Variants in HPSE2 observed in about 807,000 individuals in gnomAD.
HPSE2 encodes the protein heparanase 2 (inactive), also known as inactive heparanase-2.
HPSE2 carries 38 observed loss-of-function variants against 60.5 expected under a neutral mutation model. The observed-to-expected ratio is 0.63, with a 90% CI of 0.48 to 0.82. HPSE2 has a LOEUF of 0.82. HPSE2 is among the 40% of genes least tolerant of loss of function. The pLI is 0.00. For synonymous variants in HPSE2, 295 were observed against 293.2 expected (o/e 1.01, Z -0.06); for missense variants, 713 against 740.4 (o/e 0.96, Z 0.43).
At chr10:98,883,430 A>G (rs1323260645) in intron 3 of HPSE2, among the ~76,000 whole-genome samples, 1 of 152,168 alleles carries the variant, frequency 6.6e-6, no homozygotes, top group African/African-American at 2.4e-5. Context: ...CTGTAAGTTA[A>G]TAACAGCTTT....
the HPSE2 span, among the ~76,000 whole-genome samples, chr10:99,277,541 T>C: frequency 2.6e-5 from 4 of 152,212 alleles, no homozygotes; most frequent in African/African-American, 9.6e-5. Flanking sequence ...TTTCACCAAG[T>C]GAGAGCTCCA....
chr10:98,616,356 C>T (rs897844008), intron 8 of HPSE2, among the ~76,000 whole-genome samples: 2 of 152,230 alleles, frequency 1.3e-5, no homozygotes, highest in East Asian at 1.9e-4. Context: ...CCTGGCACAC[C>T]GTAGGTACTC....
intron 2 of HPSE2, among the ~76,000 whole-genome samples, chr10:99,161,718 C>T (rs558811533): frequency 1.3e-5 from 2 of 152,056 alleles, no homozygotes; most frequent in Admixed American, 1.3e-4. Context: ...CAAAAAGTCA[C>T]AAAAATAATA....
intron 2 of HPSE2, among the ~76,000 whole-genome samples, chr10:99,211,959 A>G (rs1848965807): frequency 6.6e-6 from 1 of 152,204 alleles, no homozygotes; most frequent in African/African-American, 2.4e-5. Flanking sequence ...TCTGATAAGC[A>G]GTTAATATTC....
At chr10:98,911,662 C>G (rs1953982700) in intron 3 of HPSE2, among the ~76,000 whole-genome samples, 3 of 152,056 alleles carry the variant, frequency 2.0e-5, no homozygotes, top group African/African-American at 7.2e-5. Context: ...CCGGTTGAAA[C>G]AAGCCAAGAA....
At chr10:98,511,598 TTG>T (rs146553697) in intron 9 of HPSE2, among the ~76,000 whole-genome samples, 2 of 78,958 alleles carry the variant, frequency 2.5e-5, no homozygotes, top group African/African-American at 9.3e-5. Flanking sequence ...GTGTGTGTGT[TTG>T]TGTGTGTGTG....
chr10:98,917,670 T>C (rs1388414549), intron 3 of HPSE2, among the ~76,000 whole-genome samples: 1 of 152,186 alleles, frequency 6.6e-6, no homozygotes, highest in African/African-American at 2.4e-5. Context: ...CCTACCCTTA[T>C]TATTATTATT....
intron 3 of HPSE2, among the ~76,000 whole-genome samples, chr10:98,756,753 G>A (rs1446657336): frequency 1.3e-5 from 2 of 152,096 alleles, no homozygotes; most frequent in Non-Finnish European, 2.9e-5. Flanking sequence ...AACATATAAA[G>A]AAGAGTTGGT....
intron 9 of HPSE2, among the ~76,000 whole-genome samples, chr10:98,539,305 T>C (rs1049646243): frequency 1.3e-5 from 2 of 152,164 alleles, no homozygotes; most frequent in African/African-American, 4.8e-5. Flanking sequence ...GTGGATCACC[T>C]GAGGTTGGGA....
upstream of HPSE2, chr10:99,235,885 C>A: frequency 8.3e-7 from 1 of 1,210,658 alleles, no homozygotes; most frequent in East Asian, 2.4e-5. Context: ...TGTCTGTCCG[C>A]CTTTTTCCCC....
intron 3 of HPSE2, among the ~76,000 whole-genome samples, chr10:99,039,048 C>T (rs939820166): frequency 3.9e-5 from 6 of 151,994 alleles, no homozygotes; most frequent in Admixed American, 6.6e-5. Context: ...CTTCAGAGGG[C>T]GCGTATCAGC....
chr10:98,525,341 C>T (rs1343104108), intron 9 of HPSE2, among the ~76,000 whole-genome samples: 1 of 152,220 alleles, frequency 6.6e-6, no homozygotes, highest in Non-Finnish European at 1.5e-5. Flanking sequence ...AGAGGTCCCG[C>T]ATTTCATGGC....
intron 3 of HPSE2, among the ~76,000 whole-genome samples, chr10:98,984,342 G>A (rs951211270): frequency 6.6e-5 from 10 of 152,262 alleles, no homozygotes; most frequent in East Asian, 3.9e-4. Flanking sequence ...GCCAATATCC[G>A]CTGTTCTGCA....
At chr10:98,801,910 CT>C (rs1005086256) in intron 3 of HPSE2, among the ~76,000 whole-genome samples, 1 of 152,112 alleles carries the variant, frequency 6.6e-6, no homozygotes, top group African/African-American at 2.4e-5. Flanking sequence ...AAGAACAAAA[CT>C]GAAATAATCA....
intron 4 of HPSE2, among the ~76,000 whole-genome samples, chr10:98,743,198 C>T (rs1017530585): frequency 1.3e-5 from 2 of 151,764 alleles, no homozygotes; most frequent in African/African-American, 4.8e-5. Flanking sequence ...GTATCAAATT[C>T]CTGACCTCGT....
chr10:98,969,688 C>G (rs1219454065), intron 3 of HPSE2, among the ~76,000 whole-genome samples: 1 of 152,170 alleles, frequency 6.6e-6, no homozygotes, highest in Admixed American at 6.5e-5. Flanking sequence ...TCATTTGTAA[C>G]CAATGTCCTG....
At chr10:98,838,550 G>A (rs115327523) in intron 3 of HPSE2, among the ~76,000 whole-genome samples, 2,035 of 149,960 alleles carry the variant, frequency 0.014, 39 homozygotes, top group African/African-American at 0.046. Flanking sequence ...TCAGTCCCCC[G>A]AGTAGCTGTG....
At chr10:98,488,918 C>G (rs562499860) in intron 10 of HPSE2, among the ~76,000 whole-genome samples, 7 of 152,194 alleles carry the variant, frequency 4.6e-5, no homozygotes, top group Admixed American at 2.6e-4. Context: ...CCCCTGCCCC[C>G]CCTCTCCTCA....
At chr10:98,821,628 G>A (rs837720) in intron 3 of HPSE2, among the ~76,000 whole-genome samples, 15,143 of 151,742 alleles carry the variant, frequency 0.1, 1,811 homozygotes, top group African/African-American at 0.28. Context: ...AACTGCAAAC[G>A]TTTACACCAA....
Sources: gnomAD v4.1 joint callset for allele counts (sites outside exome capture counted in the v4.1 genomes callset) on GRCh38, gnomAD v4.1.1 for gene constraint, MANE v1.5 for transcripts, NCBI Gene and HGNC (gene_info 2026-07-23, HGNC 2026-07-21) for gene names.